AGPAT3: variants seen among roughly 807,000 people sequenced by gnomAD.
AGPAT3 encodes 1-acyl-sn-glycerol-3-phosphate acyltransferase gamma.
In AGPAT3, 5 loss-of-function variants were observed where a neutral mutation model predicts 47.3. That is an observed-to-expected ratio of 0.11 (90% CI 0.06 to 0.22). The LOEUF is 0.22. Among genes scored for constraint, AGPAT3 ranks in the 10% least tolerant of loss-of-function variants. The pLI is 1.00. For missense variants in AGPAT3, 315 were observed against 493.0 expected, an observed-to-expected ratio of 0.64 and a Z score of 3.42; for synonymous variants, 212 against 208.3, an observed-to-expected ratio of 1.02 and a Z score of -0.15.
rs2146287376 is a variant in AGPAT3 at position 43,932,012 on chromosome 21, T to A, written c.-48-27622T>A. On this transcript the variant is annotated intron_variant, in intron 2 of 9. Coordinates refer to ENST00000291572, the MANE Select transcript of AGPAT3 (RefSeq NM_020132.5). This position sits in a 1 kb window ranked among gnomAD's most constrained non-coding sequence, Gnocchi z 5.2. ...TGTCATCTATCTATAATTGACAAAA[T>A]ATGATTGTGTATATGGAGTACCATG... Among the ~76,000 whole-genome samples the A allele has an allele frequency of 6.6e-6, 1 of 152,020 alleles. No homozygotes were observed. Among genetic ancestry groups the A allele is most frequent in the South Asian group, 2.1e-4 (1 of 4,810 alleles).
At chr21:43,925,704 C>T (rs1040147381) in intron 2 of AGPAT3, among the ~76,000 whole-genome samples, 2 of 152,246 alleles carry the variant, frequency 1.3e-5, no homozygotes, top group African/African-American at 4.8e-5. Context: ...GCTTGTTGCC[C>T]CTGCACCCCA....
chr21:43,944,063 C>T (rs1304231032), intron 2 of AGPAT3, among the ~76,000 whole-genome samples: 1 of 152,226 alleles, frequency 6.6e-6, no homozygotes, highest in Admixed American at 6.5e-5. Context: ...GCATCCACTT[C>T]AGGCGCCGCC....
intron 2 of AGPAT3, among the ~76,000 whole-genome samples, chr21:43,945,030 C>G (rs923266023): frequency 6.6e-6 from 1 of 152,208 alleles, no homozygotes; most frequent in Non-Finnish European, 1.5e-5. Context: ...CTCAGAAGCC[C>G]AGAGGGAGGG....
chr21:43,925,616 C>T (rs1433638675), intron 2 of AGPAT3, among the ~76,000 whole-genome samples: 1 of 152,234 alleles, frequency 6.6e-6, no homozygotes, highest in Admixed American at 6.5e-5. Context: ...CTGGGCTGGA[C>T]TCTTCCTCAG....
intron 1 of AGPAT3, among the ~76,000 whole-genome samples, chr21:43,888,506 C>T (rs780834610): frequency 6.6e-6 from 1 of 152,080 alleles, no homozygotes; most frequent in Non-Finnish European, 1.5e-5. Flanking sequence ...AACAGACCTG[C>T]ACATCCTGCA....
At position 43,961,537 on chromosome 21, in the gene AGPAT3, T is replaced by A. The variant is rs930095030; in HGVS notation, c.178+1678T>A. Among the ~76,000 whole-genome samples, 22 of 86,312 alleles carry A rather than the reference T, an allele frequency of 2.5e-4. No individual in the cohort carries two copies. In the East Asian group the frequency reaches 4.4e-3, roughly 17 times the overall value. The allele number at this position is 86,312 out of a possible 152,430, so 56.6% of individuals were successfully genotyped here. ...TCTCGTGGGAAACGGTGAGCGCGTA[T>A]ACACTTTGTCTCATATGGAAAACAG... is the stretch of plus-strand genomic sequence containing the variant. On this transcript the variant is annotated intron_variant, in intron 3 of 9. Transcript: ENST00000291572.
At chr21:43,886,011 C>T (rs1334523419) in intron 1 of AGPAT3, among the ~76,000 whole-genome samples, 1 of 152,210 alleles carries the variant, frequency 6.6e-6, no homozygotes, top group East Asian at 1.9e-4. Flanking sequence ...TTTTGCAAAG[C>T]CGGGGCAGCG....
At chr21:43,947,295 G>A (rs916597339) in intron 2 of AGPAT3, among the ~76,000 whole-genome samples, 19 of 152,252 alleles carry the variant, frequency 1.2e-4, no homozygotes, top group African/African-American at 4.6e-4. Context: ...CTGGCGGGGA[G>A]CTTCTCGCCC....
At chr21:43,899,688 C>T (rs746406060) in intron 1 of AGPAT3, among the ~76,000 whole-genome samples, 1 of 152,144 alleles carries the variant, frequency 6.6e-6, no homozygotes, top group Non-Finnish European at 1.5e-5. Context: ...CCATCTGCTC[C>T]CCACCGCTGA....
chr21:43,905,426 G>A (rs1169909530), intron 2 of AGPAT3, among the ~76,000 whole-genome samples: 1 of 152,084 alleles, frequency 6.6e-6, no homozygotes, highest in Non-Finnish European at 1.5e-5. Flanking sequence ...TTGACCTCGT[G>A]ATCCACCTGC....
Position 43,960,683 on chromosome 21 carries a change from C to T in AGPAT3, c.178+824C>T, listed in dbSNP as rs566629690. 7.5e-5 allele frequency: 72 copies of T among 963,502 alleles called. 1 individual carries two copies. Among genetic ancestry groups the T allele is most frequent in the Non-Finnish European group, 8.4e-5 (68 of 809,990 alleles). 59.7% of individuals were successfully genotyped at this position (963,502 alleles called of 1,614,324 possible). On this transcript the variant is annotated intron_variant, in intron 3 of 9. Coordinates refer to ENST00000291572, the MANE Select transcript of AGPAT3 (RefSeq NM_020132.5). The stretch of plus-strand genomic sequence containing the variant: ...CACCTGTCACTGGAGACTAATTATG[C>T]GGCACCCATACAGGGACCCTCTGCG...
At chr21:43,915,122 A>C (rs951390338) in intron 2 of AGPAT3, among the ~76,000 whole-genome samples, 5 of 150,394 alleles carry the variant, frequency 3.3e-5, no homozygotes, top group Non-Finnish European at 5.9e-5. Context: ...GCAGTGATGC[A>C]GTCTTGGCTC....
At chr21:43,927,497 T>C (rs1276882713) in intron 2 of AGPAT3, among the ~76,000 whole-genome samples, 1 of 152,198 alleles carries the variant, frequency 6.6e-6, no homozygotes, top group African/African-American at 2.4e-5. Context: ...TTTTAGAAGT[T>C]AGCAAAAGGA....
In AGPAT3 at chr21:43,917,976, TGTTGTGTTATGGGTGTTGTGGGG is replaced by T. The variant is rs1156588691; in HGVS notation, c.-49+13964_-49+13986del. ...TTGTAGGGGGTGTGGGTGTTGGGGGTGTTGTGTTATGGGTGTTGTGGGGGTTGTGGGTGTTGTGGATGTTGGTG... is the reference window on the plus strand; with the variant it reads ...TTGTAGGGGGTGTGGGTGTTGGGGGTGTTGTGGGTGTTGTGGATGTTGGTG... On this transcript the variant is annotated intron_variant, in intron 2 of 9. Coordinates refer to ENST00000291572, the MANE Select transcript of AGPAT3 (RefSeq NM_020132.5). 8.0e-4 allele frequency among the ~76,000 whole-genome samples: 41 copies of T among 51,122 alleles called. 1 individual carries two copies. Among genetic ancestry groups the T allele is most frequent in the African/African-American group, 2.9e-3 (38 of 12,884 alleles). 33.5% of individuals were successfully genotyped at this position (51,122 alleles called of 152,430 possible).
intron 2 of AGPAT3, among the ~76,000 whole-genome samples, chr21:43,929,097 C>T (rs992163365): frequency 1.3e-5 from 2 of 152,142 alleles, no homozygotes; most frequent in Admixed American, 6.5e-5. Flanking sequence ...AGTGGCGGGG[C>T]CCCGATAGCC....
chr21:43,980,293 A>C (rs540621487), intron 8 of AGPAT3, among the ~76,000 whole-genome samples: 1 of 114,174 alleles, frequency 8.8e-6, no homozygotes, highest in South Asian at 3.9e-4. Flanking sequence ...AAAAAAAAAC[A>C]AAAAAAAACG....
intron 2 of AGPAT3, among the ~76,000 whole-genome samples, chr21:43,928,411 G>A (rs911322368): frequency 2.6e-5 from 4 of 152,174 alleles, no homozygotes; most frequent in East Asian, 1.9e-4. Flanking sequence ...CCGTCACCCC[G>A]AGGGAGTGAA....
chr21:43,912,284 G>T (rs906914937), intron 2 of AGPAT3, among the ~76,000 whole-genome samples: 2 of 152,232 alleles, frequency 1.3e-5, no homozygotes, highest in East Asian at 3.9e-4. Flanking sequence ...CAAAGGGTGG[G>T]GCACATGTGA....
Position 43,880,766 on chromosome 21 carries a change from C to T in AGPAT3, c.-112+15421C>T, listed in dbSNP as rs753843336. Among the ~76,000 whole-genome samples, 8 of 152,340 alleles carry T rather than the reference C, an allele frequency of 5.3e-5. No homozygotes were observed. Among genetic ancestry groups the T allele is most frequent in the Non-Finnish European group, 1.0e-4 (7 of 68,034 alleles). On this transcript the variant is annotated intron_variant, in intron 1 of 9. Coordinates refer to ENST00000291572, the MANE Select transcript of AGPAT3 (RefSeq NM_020132.5). This position sits in a 1 kb window ranked among gnomAD's most constrained non-coding sequence, Gnocchi z 4.5. ...GACACGTCTAGAGACAGGCGCTGGA[C>T]GTCTCCTGCTCACTGGCATTAAGTG...
Sources: allele counts gnomAD v4.1 joint callset (sites outside exome capture counted in the v4.1 genomes callset), GRCh38; gene constraint gnomAD v4.1.1; non-coding constraint Gnocchi (gnomAD v3.1); transcripts MANE v1.5; gene names NCBI Gene and HGNC (gene_info 2026-07-23, HGNC 2026-07-21).